Variants in RAB7A observed in about 807,000 individuals in gnomAD.
The protein encoded by RAB7A is ras-related protein Rab-7a.
RAB7A carries 2 observed loss-of-function variants against 24.5 expected under a neutral mutation model. The observed-to-expected ratio is 0.08, with a 90% confidence interval of 0.03 to 0.26. The LOEUF (loss-of-function observed/expected upper bound fraction) is 0.26, where lower values mean the gene tolerates loss of function less well. RAB7A is among the 10% of genes least tolerant of loss of function. RAB7A has a pLI of 1.00. For missense variants in RAB7A, 118 were observed against 255.7 expected (o/e 0.46, Z 3.67); for synonymous variants, 100 against 95.9 (o/e 1.04, Z -0.25).
chr3:128,794,305 T>TTTA (rs1389347984), intron 1 of RAB7A, among the ~76,000 whole-genome samples: 1 of 152,186 alleles, frequency 6.6e-6, no homozygotes, highest in Non-Finnish European at 1.5e-5. Flanking sequence ...GAGCATTTTA[T>TTTA]TTATTCAGTC....
At chr3:128,797,854 G>C in intron 2 of RAB7A, 89 bp from the exon 3 acceptor site, 1 of 1,493,618 alleles carries the variant, frequency 6.7e-7, no homozygotes, top group South Asian at 1.1e-5. Flanking sequence ...CTTCAGGTCA[G>C]GCAGATTCTT....
At chr3:128,799,104 A>G (rs959331256) in intron 3 of RAB7A, 5 of 156,514 alleles carry the variant, frequency 3.2e-5, no homozygotes, top group Admixed American at 6.5e-5. Flanking sequence ...CAATGTGATC[A>G]TGTTTCATCT....
intron 1 of RAB7A, among the ~76,000 whole-genome samples, chr3:128,790,629 G>A (rs957239079): frequency 2.0e-5 from 3 of 152,118 alleles, no homozygotes; most frequent in Admixed American, 2.0e-4. Flanking sequence ...TTACCATTTA[G>A]TGAATTGTTC....
At chr3:128,793,778 C>T (rs1933511836) in intron 1 of RAB7A, among the ~76,000 whole-genome samples, 1 of 152,310 alleles carries the variant, frequency 6.6e-6, no homozygotes, top group Middle Eastern at 3.4e-3. Flanking sequence ...CTAACTAGCA[C>T]TAGTAAGAAC....
intron 1 of RAB7A, among the ~76,000 whole-genome samples, chr3:128,739,902 A>T (rs1218588831): frequency 6.6e-6 from 1 of 152,168 alleles, no homozygotes; most frequent in Non-Finnish European, 1.5e-5. Context: ...CCCTGTCTCT[A>T]CTAAAAATAC....
intron 1 of RAB7A, among the ~76,000 whole-genome samples, chr3:128,736,788 A>C (rs1300541015): frequency 6.6e-6 from 1 of 152,182 alleles, no homozygotes; most frequent in Non-Finnish European, 1.5e-5. Context: ...AAAATGAGTC[A>C]CACCACACAA....
chr3:128,789,328 T>C (rs969823682), intron 1 of RAB7A, among the ~76,000 whole-genome samples: 7 of 73,212 alleles, frequency 9.6e-5, no homozygotes, highest in African/African-American at 1.1e-4. Context: ...CTTTGTAGCC[T>C]TTTTTTTTTT....
intron 3 of RAB7A, among the ~76,000 whole-genome samples, chr3:128,804,265 G>A (rs1933758011): frequency 6.6e-6 from 1 of 152,188 alleles, no homozygotes. Context: ...TAGCCACTGT[G>A]CATGCACTAG....
At chr3:128,735,071 A>T (rs1236520208) in intron 1 of RAB7A, among the ~76,000 whole-genome samples, 2 of 152,218 alleles carry the variant, frequency 1.3e-5, no homozygotes, top group Non-Finnish European at 2.9e-5. Flanking sequence ...GTGTTCATTT[A>T]ACAGGTTTTT....
chr3:128,790,320 A>G (rs563792681), intron 1 of RAB7A, among the ~76,000 whole-genome samples: 58 of 152,340 alleles, frequency 3.8e-4, no homozygotes, highest in Non-Finnish European at 8.4e-4. Flanking sequence ...GTCTTACATG[A>G]TGAGTGGAGA....
intron 1 of RAB7A, among the ~76,000 whole-genome samples, chr3:128,755,054 A>G (rs2070718054): frequency 6.6e-6 from 1 of 152,198 alleles, no homozygotes; most frequent in Non-Finnish European, 1.5e-5. Flanking sequence ...TCAACAACAG[A>G]ATGCATCTTC....
chr3:128,732,152 G>C (rs1292617275), intron 1 of RAB7A, among the ~76,000 whole-genome samples: 2 of 149,998 alleles, frequency 1.3e-5, no homozygotes, highest in East Asian at 4.0e-4. Flanking sequence ...CAATTCTCCT[G>C]CCTCAGCCTC....
intron 1 of RAB7A, among the ~76,000 whole-genome samples, chr3:128,737,647 C>G (rs2070503263): frequency 6.7e-6 from 1 of 149,100 alleles, no homozygotes; most frequent in Non-Finnish European, 1.5e-5. Context: ...ATCTTTCTGT[C>G]TCTCTTTTTT....
chr3:128,793,190 AT>A (rs1334053854), intron 1 of RAB7A, among the ~76,000 whole-genome samples: 3 of 129,746 alleles, frequency 2.3e-5, no homozygotes, highest in African/African-American at 1.2e-4. Flanking sequence ...CGCCCAGCTA[AT>A]TTTTCATATT....
intron 3 of RAB7A, among the ~76,000 whole-genome samples, chr3:128,803,030 G>A (rs1307294476): frequency 2.0e-5 from 3 of 151,986 alleles, no homozygotes; most frequent in Non-Finnish European, 2.9e-5. Flanking sequence ...GGCTGGTCTC[G>A]AACTGCCGAC....
chr3:128,770,927 G>A (rs979999379), intron 1 of RAB7A, among the ~76,000 whole-genome samples: 4 of 151,096 alleles, frequency 2.6e-5, no homozygotes, highest in Non-Finnish European at 5.9e-5. Flanking sequence ...TGAAAGCTCT[G>A]CCACTATTTC....
chr3:128,769,110 C>A (rs1163625260), intron 1 of RAB7A, among the ~76,000 whole-genome samples: 2 of 149,200 alleles, frequency 1.3e-5, no homozygotes, highest in African/African-American at 4.9e-5. Flanking sequence ...CCCAGGATTT[C>A]TTCAAACTCC....
At position 128,806,372 on chromosome 3, in the gene RAB7A, A is replaced by G. The variant is rs749968204; in HGVS notation, c.181A>G (p.Ile61Val). 6.2e-7 allele frequency: 1 copy of G among 1,607,518 alleles called. No homozygotes were observed. Among genetic ancestry groups the G allele is most frequent in the Non-Finnish European group, 8.5e-7 (1 of 1,175,044 alleles). Residue 61 changes from isoleucine (I) to valine (V), a missense_variant and splice_region_variant, in exon 4 of 6, where the codon ATA becomes GTA. Around this residue, in one of 2 missense-constraint regions of RAB7A, gnomAD observed 52 missense variants for 173.5 expected, o/e 0.30. Coordinates refer to ENST00000265062, the MANE Select transcript of RAB7A (RefSeq NM_004637.6). The stretch of plus-strand genomic sequence containing the variant: ...GGAATGAATGTTTTGTCTCTCACAG[A>G]TATGGGACACAGCAGGACAGGAACG... ...MVDDRLVTMQ[I>V]WDTAGQERFQ...
intron 1 of RAB7A, among the ~76,000 whole-genome samples, chr3:128,779,608 T>C (rs755020993): frequency 4.6e-5 from 7 of 151,836 alleles, no homozygotes; most frequent in Non-Finnish European, 1.0e-4. Flanking sequence ...GGGGTGGTGT[T>C]GGAGACAGGA....
Sources: allele counts gnomAD v4.1 joint callset (sites outside exome capture counted in the v4.1 genomes callset), GRCh38; gene constraint gnomAD v4.1.1; regional missense constraint gnomAD v4.1.1; transcripts MANE v1.5; gene names NCBI Gene and HGNC (gene_info 2026-07-23, HGNC 2026-07-21).